OSBPL3: variants seen among roughly 807,000 people sequenced by gnomAD.
OSBPL3 encodes oxysterol binding protein like 3.
In OSBPL3, 65 loss-of-function variants were observed where a neutral mutation model predicts 120.1. That is an observed-to-expected ratio of 0.54 (90% confidence interval 0.44 to 0.67). The LOEUF is 0.67. Ranked by LOEUF, OSBPL3 falls within the 30% of genes least tolerant of loss-of-function variation. The probability of loss-of-function intolerance (pLI) is 0.00; values close to 1 mark genes in which losing one functional copy is unlikely to be tolerated. For synonymous variants in OSBPL3, 416 were observed against 402.6 expected, an observed-to-expected ratio of 1.03 and a Z score of -0.40; for missense variants, 1,004 against 1,082.1, an observed-to-expected ratio of 0.93 and a Z score of 1.01.
At chr7:24,840,360 A>G (rs149746288) in intron 14 of OSBPL3, among the ~76,000 whole-genome samples, 2 of 152,288 alleles carry the variant, frequency 1.3e-5, no homozygotes, top group East Asian at 1.9e-4. Context: ...CCTACTCAAC[A>G]TGAAGATGAC....
intron 20 of OSBPL3, among the ~76,000 whole-genome samples, chr7:24,809,358 G>A (rs1214979528): frequency 2.0e-5 from 3 of 152,200 alleles, no homozygotes; most frequent in Admixed American, 6.5e-5. Flanking sequence ...GGAATCACAG[G>A]AGTGATGAGG....
chr7:24,856,811 A>T (rs1240571426), intron 10 of OSBPL3, among the ~76,000 whole-genome samples: 1 of 152,192 alleles, frequency 6.6e-6, no homozygotes, highest in African/African-American at 2.4e-5. Flanking sequence ...AAATGTTAAC[A>T]TTCCTAATAT....
At position 24,953,839 on chromosome 7, in the gene OSBPL3, T is replaced by G. The variant is rs1417695774; in HGVS notation, c.-150+26047A>C. 2.0e-5 allele frequency among the ~76,000 whole-genome samples: 3 copies of G among 152,252 alleles called. No individual in the cohort carries two copies. The highest frequency in any genetic ancestry group is 2.0e-4 in the Admixed American group (3 of 15,286). On this transcript the variant is annotated intron_variant, in intron 1 of 22. Transcript: ENST00000313367. The surrounding 1 kb of genome is among the most constrained non-coding windows in gnomAD (Gnocchi z 4.3). ...CGGCATGAACTAGAAGCAGGCAGCA[T>G]GTATCCCAGGAATAGCTTTTGCTAC...
rs1805419175 is a variant in OSBPL3, at chr7:24,891,981, T to C, written c.96+396A>G. ...TGATTGATTGTTTTTTTGTTTTGCT[T>C]AGCAGGATATAAAGGAAAGTGTGGG... On this transcript the variant is annotated intron_variant, in intron 2 of 22. Transcript: ENST00000313367. This position sits in a 1 kb window ranked among gnomAD's most constrained non-coding sequence, Gnocchi z 4.1. Among the ~76,000 whole-genome samples the C allele has an allele frequency of 6.6e-6, 1 of 152,180 alleles. No individual in the cohort carries two copies. The highest frequency in any genetic ancestry group is 1.5e-5 in the Non-Finnish European group (1 of 68,042).
In OSBPL3 at chr7:24,804,383, T is replaced by C; in HGVS notation, c.2499A>G (p.Glu833=). ...CCCGCCGCCTTTCTCTCTGCAGTTG[T>C]TCAATCCTCTGCTTTTGTATTTCAG... ...EEAEIQKQRI[E]QLQRERRRVL... is the part of the protein sequence containing the mutation. The change falls in exon 22 of 23, where the codon GAA becomes GAG. Residue 833 remains glutamate (E), a synonymous_variant. Coordinates refer to ENST00000313367, the MANE Select transcript of OSBPL3 (RefSeq NM_015550.4). This position sits in a 1 kb window ranked among gnomAD's most constrained non-coding sequence, Gnocchi z 5.4. 1 of 1,614,016 alleles carries C rather than the reference T, an allele frequency of 6.2e-7. No homozygotes were observed. The highest frequency in any genetic ancestry group is 8.5e-7 in the Non-Finnish European group (1 of 1,179,874).
Position 24,799,720 on chromosome 7 carries a change from A to G in OSBPL3, c.*463T>C, listed in dbSNP as rs1205942097. 6.5e-6 allele frequency: 1 copy of G among 152,788 alleles called. No individual in the cohort carries two copies. The highest frequency in any genetic ancestry group is 1.9e-4 in the East Asian group (1 of 5,204). The allele number at this position is 152,788 out of a possible 1,614,324, so 9.5% of individuals were successfully genotyped here. A position where few individuals can be genotyped will look rare whatever the true frequency, so the allele number is the denominator to read the frequency against. On this transcript the variant is annotated 3_prime_UTR_variant, in exon 23 of 23. Coordinates refer to ENST00000313367, the MANE Select transcript of OSBPL3 (RefSeq NM_015550.4). The surrounding 1 kb of genome is among the most constrained non-coding windows in gnomAD (Gnocchi z 5.3). ...AGCAATTCAAGAGCTGTCTGAGGCA[A>G]AAAGATATTTCAGCTACCAAATTAA... is the stretch of plus-strand genomic sequence containing the variant.
intron 22 of OSBPL3, 85 bp from the exon 23 acceptor site, chr7:24,800,364 T>C (rs1792151149): frequency 1.3e-6 from 1 of 747,744 alleles, no homozygotes; most frequent in Non-Finnish European, 2.3e-6. Context: ...CTCCCTGCTT[T>C]CCCCATCCTC....
rs1796415083 is a variant in OSBPL3 at position 24,831,926 on chromosome 7, G to A, written c.1747-1021C>T. ...ATAAAAATCAGCTATACTCGGCTGG[G>A]TGCAGTGGCTCACGCCTGTAATCCC... On this transcript the variant is annotated intron_variant, in intron 15 of 22. Coordinates refer to ENST00000313367, the MANE Select transcript of OSBPL3 (RefSeq NM_015550.4). This position sits in a 1 kb window ranked among gnomAD's most constrained non-coding sequence, Gnocchi z 4.0. 6.6e-6 allele frequency among the ~76,000 whole-genome samples: 1 copy of A among 152,180 alleles called. No homozygotes were observed. The highest frequency in any genetic ancestry group is 2.1e-4 in the South Asian group (1 of 4,818).
chr7:24,921,214 TACA>T (rs1423747509), intron 1 of OSBPL3, among the ~76,000 whole-genome samples: 5 of 151,862 alleles, frequency 3.3e-5, no homozygotes, highest in South Asian at 2.1e-4. Flanking sequence ...AAAAAAAAGT[TACA>T]ACAACTCTAA....
chr7:24,931,821 T>C (rs1811829685), intron 1 of OSBPL3, among the ~76,000 whole-genome samples: 1 of 152,130 alleles, frequency 6.6e-6, no homozygotes, highest in African/African-American at 2.4e-5. Context: ...GAAAAAGCAT[T>C]TTCTGATGAA....
intron 1 of OSBPL3, among the ~76,000 whole-genome samples, chr7:24,926,244 T>C (rs542078708): frequency 3.3e-5 from 5 of 152,278 alleles, no homozygotes; most frequent in South Asian, 4.1e-4. Context: ...TGTAGGGTTA[T>C]GCCATGCCCC....
At position 24,871,031 on chromosome 7, in the gene OSBPL3, G is replaced by A. The variant is rs532121265; in HGVS notation, c.268-186C>T. On this transcript the variant is annotated intron_variant, in intron 4 of 22. Transcript: ENST00000313367. This position sits in a 1 kb window ranked among gnomAD's most constrained non-coding sequence, Gnocchi z 4.8. ...CTGTCTTCCTGAATCTCCGAGGTAGGAAGTACTCTCCCCATTTTACAGATG... is the reference window on the plus strand; with the variant it reads ...CTGTCTTCCTGAATCTCCGAGGTAGAAAGTACTCTCCCCATTTTACAGATG... 5.3e-4 allele frequency among the ~76,000 whole-genome samples: 80 copies of A among 152,332 alleles called. No individual in the cohort carries two copies. Among genetic ancestry groups the A allele is most frequent in the Non-Finnish European group, 1.1e-3 (74 of 68,032 alleles).
rs541161633 is a variant in OSBPL3 at position 24,891,655 on chromosome 7, C to T, written c.96+722G>A. On this transcript the variant is annotated intron_variant, in intron 2 of 22. Transcript: ENST00000313367. The surrounding 1 kb of genome is among the most constrained non-coding windows in gnomAD (Gnocchi z 4.1). ...ATAATGATTAATGTGCATTTACTGC[C>T]ACTGATCTAAAACCAGCAAATTCTG... is the stretch of plus-strand genomic sequence containing the variant. Among the ~76,000 whole-genome samples the T allele has an allele frequency of 2.6e-5, 4 of 152,310 alleles. No individual in the cohort carries two copies. Among genetic ancestry groups the T allele is most frequent in the Admixed American group, 6.5e-5 (1 of 15,300 alleles).
At chr7:24,844,326 C>T (rs1348127006) in intron 12 of OSBPL3, among the ~76,000 whole-genome samples, 3 of 152,136 alleles carry the variant, frequency 2.0e-5, no homozygotes, top group Non-Finnish European at 4.4e-5. Context: ...TTGAATGTGG[C>T]CCAACACAAA....
At chr7:24,978,682 C>T (rs1034640960) in intron 1 of OSBPL3, among the ~76,000 whole-genome samples, 1 of 152,218 alleles carries the variant, frequency 6.6e-6, no homozygotes, top group Non-Finnish European at 1.5e-5. Flanking sequence ...CGCTTTCACC[C>T]ATCTGTGGAA....
chr7:24,973,617 G>A (rs2128544359), intron 1 of OSBPL3, among the ~76,000 whole-genome samples: 1 of 152,242 alleles, frequency 6.6e-6, no homozygotes, highest in South Asian at 2.1e-4. Flanking sequence ...AATAACTAAA[G>A]AAGCAATTCT....
rs769736656 is a variant in OSBPL3, at chr7:24,865,322, G to C, written c.673+20C>G. The C allele has an allele frequency of 4.3e-6, 7 of 1,612,600 alleles. No homozygotes were observed. In the Admixed American group the frequency reaches 5.0e-5, roughly 12 times the overall value. Reference sequence around the variant, plus strand: ...CATCTAATAGCCACAACAGAAAGCAGACGTTTCAAGTCACTCTACCTTTGG... The same window carrying C: ...CATCTAATAGCCACAACAGAAAGCACACGTTTCAAGTCACTCTACCTTTGG... On this transcript the variant is annotated intron_variant, in intron 7 of 22. Transcript: ENST00000313367.
Position 24,808,409 on chromosome 7 carries a change from A to G in OSBPL3, c.2317+1398T>C, listed in dbSNP as rs556326838. Among the ~76,000 whole-genome samples, 96 of 152,242 alleles carry G rather than the reference A, an allele frequency of 6.3e-4. No individual in the cohort carries two copies. The highest frequency in any genetic ancestry group is 2.3e-3 in the African/African-American group (94 of 41,580). On this transcript the variant is annotated intron_variant, in intron 20 of 22. Transcript: ENST00000313367. This position sits in a 1 kb window ranked among gnomAD's most constrained non-coding sequence, Gnocchi z 4.6. Reference sequence around the variant, plus strand: ...CATAAAGTCAAGGAATAATGACAGTAACAAAAATTTAAACAGTGTTGCTTT... The same window carrying G: ...CATAAAGTCAAGGAATAATGACAGTGACAAAAATTTAAACAGTGTTGCTTT...
intron 1 of OSBPL3, among the ~76,000 whole-genome samples, chr7:24,974,418 G>A (rs1000841209): frequency 1.3e-5 from 2 of 152,190 alleles, no homozygotes; most frequent in African/African-American, 4.8e-5. Flanking sequence ...TTTGCTGACT[G>A]CAACATAATA....
Sources: allele counts gnomAD v4.1 joint callset (sites outside exome capture counted in the v4.1 genomes callset), GRCh38; gene constraint gnomAD v4.1.1; non-coding constraint Gnocchi (gnomAD v3.1); transcripts MANE v1.5; gene names NCBI Gene and HGNC (gene_info 2026-07-23, HGNC 2026-07-21).